Variants in CTNNA2 observed in about 807,000 individuals in gnomAD.
CTNNA2 encodes catenin alpha-2.
CTNNA2 carries 42 observed loss-of-function variants against 101.0 expected under a neutral mutation model. The ratio of observed to expected loss-of-function variants is 0.42; its 90% CI spans 0.32 to 0.54. The LOEUF (loss-of-function observed/expected upper bound fraction) is 0.54. Ranked by LOEUF, CTNNA2 falls within the 20% of genes least tolerant of loss-of-function variation. The probability of loss-of-function intolerance (pLI) is 0.14; values close to 1 mark genes in which losing one functional copy is unlikely to be tolerated. For synonymous variants in CTNNA2, 450 were observed against 456.4 expected (o/e 0.99, Z 0.18); for missense variants, 871 against 1,223.1 (o/e 0.71, Z 4.29).
chr2:80,505,367 G>C (rs1253984755), intron 9 of CTNNA2, among the ~76,000 whole-genome samples: 2 of 152,084 alleles, frequency 1.3e-5, no homozygotes, highest in African/African-American at 2.4e-5. Context: ...AACTTGGAGC[G>C]AGTAACTAAC....
At chr2:79,862,362 A>ATG (rs1681690331) in intron 4 of CTNNA2, among the ~76,000 whole-genome samples, 1 of 152,162 alleles carries the variant, frequency 6.6e-6, no homozygotes, top group Non-Finnish European at 1.5e-5. Context: ...TGATCTTAAC[A>ATG]TTAACTGTGA....
At chr2:79,573,006 C>A (rs1675554882) in intron 1 of CTNNA2, among the ~76,000 whole-genome samples, 2 of 152,084 alleles carry the variant, frequency 1.3e-5, no homozygotes, top group African/African-American at 4.8e-5. Flanking sequence ...ATGAAAAATT[C>A]AAATTACATT....
chr2:79,457,698 A>G (rs1242112253), intron 4 of CTNNA2, among the ~76,000 whole-genome samples: 7 of 152,182 alleles, frequency 4.6e-5, no homozygotes, highest in Non-Finnish European at 1.0e-4. Flanking sequence ...TAAGGAGGGA[A>G]AAAAAGAGAC....
At chr2:79,692,027 T>C (rs948716424) in intron 2 of CTNNA2, among the ~76,000 whole-genome samples, 10 of 152,098 alleles carry the variant, frequency 6.6e-5, no homozygotes, top group Non-Finnish European at 1.0e-4. Context: ...ACAAATGGGA[T>C]CTAATTAAAC....
intron 3 of CTNNA2, among the ~76,000 whole-genome samples, chr2:79,842,010 A>G (rs564752769): frequency 3.9e-5 from 6 of 152,284 alleles, no homozygotes; most frequent in South Asian, 2.1e-4. Context: ...CTCCTACTTT[A>G]TATATCCCTT....
rs144303834 is a variant in CTNNA2 at position 80,421,620 on chromosome 2, G to T, written c.1290+2019G>T. 3.3e-3 allele frequency among the ~76,000 whole-genome samples: 495 copies of T among 152,198 alleles called. 1 individual carries two copies. The highest frequency in any genetic ancestry group is 0.024 in the Middle Eastern group (7 of 294). ...GACAAGCTGAAAGCTTAGATTACTT[G>T]CAGCTCCACATTTCAGAAAACTGCA... On this transcript the variant is annotated intron_variant, in intron 9 of 18. Transcript: ENST00000402739.
chr2:79,741,386 G>T (rs754315593), intron 2 of CTNNA2, among the ~76,000 whole-genome samples: 7 of 152,022 alleles, frequency 4.6e-5, no homozygotes, highest in Non-Finnish European at 1.0e-4. Flanking sequence ...GAACTGATCC[G>T]AGTGAGAGAC....
At chr2:79,648,251 C>T (rs977780769) in intron 1 of CTNNA2, among the ~76,000 whole-genome samples, 1 of 152,256 alleles carries the variant, frequency 6.6e-6, no homozygotes, top group Admixed American at 6.5e-5. Flanking sequence ...ATCATCAATT[C>T]ATATTTTCTG....
chr2:80,359,501 C>A (rs72813655), intron 7 of CTNNA2, among the ~76,000 whole-genome samples: 1 of 152,076 alleles, frequency 6.6e-6, no homozygotes, highest in Non-Finnish European at 1.5e-5. Flanking sequence ...TAGCACCCCC[C>A]CTTTGGTGCT....
chr2:80,527,028 C>T (rs992519739), intron 9 of CTNNA2, among the ~76,000 whole-genome samples: 4 of 152,176 alleles, frequency 2.6e-5, no homozygotes, highest in African/African-American at 9.7e-5. Context: ...AAAATTTGAG[C>T]ACTATGACAC....
intron 3 of CTNNA2, among the ~76,000 whole-genome samples, chr2:79,367,273 A>G (rs1677771422): frequency 6.6e-6 from 1 of 152,232 alleles, no homozygotes; most frequent in African/African-American, 2.4e-5. Context: ...TTTAGCCTCC[A>G]GAGCTGTTAG....
At chr2:80,528,324 G>C (rs1008230501) in intron 9 of CTNNA2, among the ~76,000 whole-genome samples, 1 of 152,140 alleles carries the variant, frequency 6.6e-6, no homozygotes, top group African/African-American at 2.4e-5. Flanking sequence ...AGCCTCCTGA[G>C]TAGCTGGGAC....
At chr2:79,746,030 G>C (rs1671621638) in intron 3 of CTNNA2, among the ~76,000 whole-genome samples, 1 of 152,064 alleles carries the variant, frequency 6.6e-6, no homozygotes, top group South Asian at 2.1e-4. Context: ...TCCTACTAAT[G>C]GTGCACAGCG....
chr2:79,948,186 G>T (rs1688633779), intron 7 of CTNNA2, among the ~76,000 whole-genome samples: 1 of 152,284 alleles, frequency 6.6e-6, no homozygotes, highest in Non-Finnish European at 1.5e-5. Flanking sequence ...GATCCCTATG[G>T]AAAGCAGTCC....
intron 2 of CTNNA2, among the ~76,000 whole-genome samples, chr2:79,265,160 C>T (rs977010025): frequency 1.3e-5 from 2 of 152,166 alleles, no homozygotes; most frequent in Non-Finnish European, 2.9e-5. Context: ...TCTTCTCTGC[C>T]TCAAATTGCC....
chr2:79,753,210 A>G (rs1319435644), intron 3 of CTNNA2, among the ~76,000 whole-genome samples: 4 of 152,158 alleles, frequency 2.6e-5, no homozygotes, highest in Non-Finnish European at 5.9e-5. Context: ...GAAAAGGCCA[A>G]TTTTTATGAG....
chr2:79,576,619 G>T (rs941326183), intron 1 of CTNNA2, among the ~76,000 whole-genome samples: 15 of 152,086 alleles, frequency 9.9e-5, no homozygotes, highest in African/African-American at 3.4e-4. Context: ...TTTATGGGGC[G>T]TGTGGGGTGT....
chr2:80,409,524 G>A (rs1408083279), intron 8 of CTNNA2, among the ~76,000 whole-genome samples: 1 of 152,028 alleles, frequency 6.6e-6, no homozygotes, highest in Non-Finnish European at 1.5e-5. Flanking sequence ...AAAGTGAGAG[G>A]AGATGGCTTG....
At position 80,580,061 on chromosome 2, in the gene CTNNA2, C is replaced by T. The variant is rs139774454; in HGVS notation, c.1894-1645C>T. On this transcript the variant is annotated intron_variant, in intron 13 of 18. Coordinates refer to ENST00000402739, the MANE Select transcript of CTNNA2 (RefSeq NM_001282597.3). ...TTTGTGCACCATCCTTACTACCGTT[C>T]GAATTTAACCTCATAGAGTTAGCAA... Among the ~76,000 whole-genome samples the T allele has an allele frequency of 2.1e-3, 327 of 152,276 alleles. 3 individuals carry two copies. The highest frequency in any genetic ancestry group is 7.4e-3 in the African/African-American group (307 of 41,566).
Sources: gnomAD v4.1 joint callset for allele counts (sites outside exome capture counted in the v4.1 genomes callset) on GRCh38, gnomAD v4.1.1 for gene constraint, MANE v1.5 for transcripts, NCBI Gene and HGNC (gene_info 2026-07-23, HGNC 2026-07-21) for gene names.